YWHAZ: variants seen among roughly 807,000 people sequenced by gnomAD.
The protein encoded by YWHAZ is tyrosine 3-monooxygenase/tryptophan 5-monooxygenase activation protein zeta, also known as 14-3-3 protein zeta/delta.
For synonymous variants in YWHAZ, 87 were observed against 103.6 expected, an observed-to-expected ratio of 0.84 and a Z score of 0.97; for missense variants, 79 against 284.8, an observed-to-expected ratio of 0.28 and a Z score of 5.20.
chr8:100,951,095 C>A, intron 1 of YWHAZ: 1 of 922,940 alleles, frequency 1.1e-6, no homozygotes, highest in Non-Finnish European at 1.3e-6. Flanking sequence ...CATCCCCCAC[C>A]CCCACCAGGA....
chr8:100,951,829 G>T (rs1445055194), intron 1 of YWHAZ, 100 bp downstream of exon 1: 1 of 985,682 alleles, frequency 1.0e-6, no homozygotes, highest in Non-Finnish European at 1.2e-6. Flanking sequence ...GCCACCGCGG[G>T]GCGAGTGGGG....
Position 100,918,079 on chromosome 8 carries a change from A to C in YWHAZ, c.*2614T>G, listed in dbSNP as rs1812776256. 6.6e-6 allele frequency: 1 copy of C among 152,016 alleles called. No homozygotes were observed. The highest frequency in any genetic ancestry group is 1.5e-5 in the Non-Finnish European group (1 of 68,016). 9.4% of individuals were successfully genotyped at this position (152,016 alleles called of 1,614,324 possible). A position where few individuals can be genotyped will look rare whatever the true frequency, so the allele number is the denominator to read the frequency against. On this transcript the variant is annotated 3_prime_UTR_variant, in exon 6 of 6. Transcript: ENST00000395958. The stretch of plus-strand genomic sequence containing the variant: ...ACATCTCTACTGGGCGCGGTGGCTT[A>C]TGCCTGTAATCCCAGCACTTTGGGA...
chr8:100,950,302 T>G, intron 1 of YWHAZ: 2 of 895,588 alleles, frequency 2.2e-6, no homozygotes, highest in Non-Finnish European at 2.7e-6. Flanking sequence ...CCCAATCACT[T>G]CGGTACAAGA....
chr8:100,945,836 G>C (rs1810226279), intron 2 of YWHAZ, among the ~76,000 whole-genome samples: 1 of 151,894 alleles, frequency 6.6e-6, no homozygotes, highest in South Asian at 2.1e-4. Context: ...TTGCAGTGCT[G>C]CTGACCTAAT....
intron 2 of YWHAZ, among the ~76,000 whole-genome samples, chr8:100,944,650 G>A (rs1249480557): frequency 6.6e-6 from 1 of 152,082 alleles, no homozygotes; most frequent in South Asian, 2.1e-4. Flanking sequence ...TTCAATCTTC[G>A]AAATTCCATT....
At chr8:100,953,375 G>A (rs1277176373), upstream of YWHAZ, 6 of 985,230 alleles carry the variant, frequency 6.1e-6, no homozygotes, top group Non-Finnish European at 7.2e-6. Context: ...ACGGGAGCCC[G>A]GAAGAAGGGG....
In YWHAZ at chr8:100,924,264, T is replaced by C. The variant is rs758121307; in HGVS notation, c.453A>G (p.Glu151=). 1.9e-6 allele frequency: 3 copies of C among 1,613,888 alleles called. No individual in the cohort carries two copies. Among genetic ancestry groups the C allele is most frequent in the Non-Finnish European group, 2.5e-6 (3 of 1,179,988 alleles). The part of the protein sequence containing the change: ...IVDQSQQAYQ[E]AFEISKKEMQ... ...TTTCCTTTTTGCTGATTTCAAAAGC[T>C]TCTTGGTATGCTTGTTGTGACTGAT... The change falls in exon 4 of 6, where the codon GAA becomes GAG. Residue 151 remains glutamate, a synonymous_variant. Coordinates refer to ENST00000395958, the MANE Select transcript of YWHAZ (RefSeq NM_145690.3). The surrounding 1 kb of genome is among the most constrained non-coding windows in gnomAD (Gnocchi z 5.7).
In YWHAZ at chr8:100,948,245, C is replaced by T; in HGVS notation, c.294+351G>A. ...CCTAAAGTATGTAAAATTCCTTTAT[C>T]CACAGATGTACATTTAAGATAACCA... On this transcript the variant is annotated intron_variant, in intron 2 of 5. Coordinates refer to ENST00000395958, the MANE Select transcript of YWHAZ (RefSeq NM_145690.3). The surrounding 1 kb of genome is among the most constrained non-coding windows in gnomAD (Gnocchi z 4.2). 2 of 1,042,002 alleles carry T rather than the reference C, an allele frequency of 1.9e-6. No individual in the cohort carries two copies. Among genetic ancestry groups the T allele is most frequent in the Non-Finnish European group, 2.7e-6 (2 of 742,812 alleles). 64.5% of individuals were successfully genotyped at this position (1,042,002 alleles called of 1,614,324 possible). A position where few individuals can be genotyped will look rare whatever the true frequency, so the allele number is the denominator to read the frequency against.
At chr8:100,950,251 T>G (rs946884040) in intron 1 of YWHAZ, among the ~76,000 whole-genome samples, 1 of 152,172 alleles carries the variant, frequency 6.6e-6, no homozygotes, top group South Asian at 2.1e-4. Context: ...TATTTCTGCT[T>G]CTAACAAAAA....
At chr8:100,942,574 G>A (rs955998503) in intron 2 of YWHAZ, among the ~76,000 whole-genome samples, 1 of 152,150 alleles carries the variant, frequency 6.6e-6, no homozygotes, top group Non-Finnish European at 1.5e-5. Context: ...TGTTTTCAAG[G>A]AGAAAAGAAC....
intron 2 of YWHAZ, among the ~76,000 whole-genome samples, chr8:100,937,817 C>T (rs1814265734): frequency 6.6e-6 from 1 of 152,170 alleles, no homozygotes; most frequent in African/African-American, 2.4e-5. Flanking sequence ...TCAGTAAGTA[C>T]AGCACCCTAA....
intron 2 of YWHAZ, among the ~76,000 whole-genome samples, chr8:100,930,154 A>G (rs1813663958): frequency 6.6e-6 from 1 of 152,250 alleles, no homozygotes; most frequent in African/African-American, 2.4e-5. Context: ...GCTGGAGTTC[A>G]GTGGTGTGAT....
In YWHAZ at chr8:100,917,697, C is replaced by G. The variant is rs1282759818; in HGVS notation, c.*2996G>C. Reference sequence around the variant, plus strand: ...TCAGGCCACTGCACCCCAGCCTGGGCGAGAGTTGACACTCCGTCTTAAAAA... The same window carrying G: ...TCAGGCCACTGCACCCCAGCCTGGGGGAGAGTTGACACTCCGTCTTAAAAA... On this transcript the variant is annotated 3_prime_UTR_variant, in exon 6 of 6. Transcript: ENST00000395958. 2 of 152,130 alleles carry G rather than the reference C, an allele frequency of 1.3e-5. No homozygotes were observed. Among genetic ancestry groups the G allele is most frequent in the Non-Finnish European group, 2.9e-5 (2 of 68,016 alleles). 9.4% of individuals were successfully genotyped at this position (152,130 alleles called of 1,614,324 possible).
At chr8:100,920,804 G>A in intron 5 of YWHAZ, 52 bp from the exon 6 acceptor site, 1 of 685,338 alleles carries the variant, frequency 1.5e-6, no homozygotes, top group Non-Finnish European at 2.4e-6. Context: ...ATGGGGGGGG[G>A]GGGGCGTTTT....
chr8:100,951,664 C>G (rs1435600386), intron 1 of YWHAZ: 3 of 985,204 alleles, frequency 3.0e-6, no homozygotes, highest in African/African-American at 1.7e-5. Flanking sequence ...CCTACCCACC[C>G]CCGGGGGCAG....
At chr8:100,952,834 G>T (rs990708235), upstream of YWHAZ, 48 of 1,000,304 alleles carry the variant, frequency 4.8e-5, no homozygotes, top group Non-Finnish European at 5.4e-5. Flanking sequence ...CCTCCCTCCC[G>T]CCGCCGCGGC....
chr8:100,948,127 T>G lies in YWHAZ; in HGVS notation c.294+469A>C. Reference sequence around the variant, plus strand: ...GTTTCATAGTTGTGACGCCAGAGTTTTCTGCATGGTTGACTCATTACATTA... The same window carrying G: ...GTTTCATAGTTGTGACGCCAGAGTTGTCTGCATGGTTGACTCATTACATTA... On this transcript the variant is annotated intron_variant, in intron 2 of 5. Coordinates refer to ENST00000395958, the MANE Select transcript of YWHAZ (RefSeq NM_145690.3). The surrounding 1 kb of genome is among the most constrained non-coding windows in gnomAD (Gnocchi z 4.2). 1.3e-6 allele frequency: 2 copies of G among 1,534,680 alleles called. No homozygotes were observed. The highest frequency in any genetic ancestry group is 1.7e-6 in the Non-Finnish European group (2 of 1,146,654).
chr8:100,950,851 GA>G, intron 1 of YWHAZ: 1 of 160,008 alleles, frequency 6.2e-6, no homozygotes, highest in Non-Finnish European at 1.3e-5. Flanking sequence ...GCAGGTGGGG[GA>G]GGGGACGAGA....
At chr8:100,926,855 T>TA in intron 2 of YWHAZ, among the ~76,000 whole-genome samples, 1 of 152,354 alleles carries the variant, frequency 6.6e-6, no homozygotes, top group African/African-American at 2.4e-5. Flanking sequence ...TCTTTCCACT[T>TA]AAAAACAATG....
Sources: allele counts gnomAD v4.1 joint callset (sites outside exome capture counted in the v4.1 genomes callset), GRCh38; gene constraint gnomAD v4.1.1; non-coding constraint Gnocchi (gnomAD v3.1); transcripts MANE v1.5; gene names NCBI Gene and HGNC (gene_info 2026-07-23, HGNC 2026-07-21).